ZNF415: variants seen among roughly 807,000 people sequenced by gnomAD.
ZNF415 encodes zinc finger protein 415.
ZNF415 carries 5 observed loss-of-function variants against 7.3 expected under a neutral mutation model. That is an observed-to-expected ratio of 0.69 (90% CI 0.36 to 1.44). ZNF415 has a LOEUF of 1.44. ZNF415 is among the 40% of genes most tolerant of loss of function. ZNF415 has a pLI of 0.04. For missense variants in ZNF415, 628 were observed against 664.8 expected, an observed-to-expected ratio of 0.94 and a Z score of 0.61; for synonymous variants, 207 against 226.3, an observed-to-expected ratio of 0.91 and a Z score of 0.77.
chr19:53,126,523 G>A (rs2089149428), intron 1 of ZNF415, among the ~76,000 whole-genome samples: 1 of 138,520 alleles, frequency 7.2e-6, no homozygotes, highest in African/African-American at 2.5e-5. Flanking sequence ...TGCAGGAAGT[G>A]AGAGTCTGAA....
intron 3 of ZNF415, among the ~76,000 whole-genome samples, chr19:53,110,942 A>G (rs2086138522): frequency 1.3e-5 from 2 of 152,220 alleles, no homozygotes; most frequent in African/African-American, 2.4e-5. Context: ...CAATATACAT[A>G]AGAGTTTGTA....
chr19:53,119,844 A>C (rs2087698938), intron 2 of ZNF415, among the ~76,000 whole-genome samples: 1 of 152,102 alleles, frequency 6.6e-6, no homozygotes, highest in South Asian at 2.1e-4. Flanking sequence ...ACCAAGACTG[A>C]ATCAGGAAGA....
intron 3 of ZNF415, chr19:53,116,008 C>T: frequency 1.6e-6 from 1 of 616,060 alleles, no homozygotes; most frequent in Non-Finnish European, 2.8e-6. Flanking sequence ...TATCTAGCTC[C>T]CTTCCAAGAA....
At position 53,128,846 on chromosome 19, in the gene ZNF415, C is replaced by T. The variant is rs909035547; in HGVS notation, c.-68+4010G>A. 1.8e-5 allele frequency among the ~76,000 whole-genome samples: 2 copies of T among 110,884 alleles called. 1 individual carries two copies. Among genetic ancestry groups the T allele is most frequent in the African/African-American group, 6.3e-5 (2 of 31,870 alleles). 72.7% of individuals were successfully genotyped at this position (110,884 alleles called of 152,430 possible). On this transcript the variant is annotated intron_variant, in intron 1 of 3. Transcript: ENST00000243643. The stretch of plus-strand genomic sequence containing the variant: ...GAGGAGTCTTCAGCCCAACCCCAGC[C>T]CCAGCATCTGAACCACAACCCCGGA...
intron 1 of ZNF415, among the ~76,000 whole-genome samples, chr19:53,124,571 G>A (rs552059518): frequency 4.6e-5 from 7 of 152,118 alleles, no homozygotes; most frequent in Non-Finnish European, 1.0e-4. Context: ...AGAGTTGGTG[G>A]GGCAAAACAA....
rs1306088045 is a variant in ZNF415 at position 53,108,579 on chromosome 19, A to G, written c.1466T>C (p.Ile489Thr). 1.2e-6 allele frequency: 2 copies of G among 1,614,134 alleles called. No homozygotes were observed. Among genetic ancestry groups the G allele is most frequent in the East Asian group, 2.2e-5 (1 of 44,882 alleles). Residue 489 changes from isoleucine to threonine, a missense_variant, in exon 4 of 4, where the codon ATC (isoleucine) becomes ACC (threonine). By Grantham distance (89) the Ile-to-Thr change is moderately conservative. Coordinates refer to ENST00000243643, the MANE Select transcript of ZNF415 (RefSeq NM_018355.4). ...VHSSLTTHQV[I>T]HTGEKPYKCN... The stretch of plus-strand genomic sequence containing the variant: ...TTTGTAAGGTTTTTCTCCAGTATGG[A>G]TGACCTGATGGGTAGTTAGGCTTGA...
chr19:53,128,066 T>C (rs1021760682), intron 1 of ZNF415, among the ~76,000 whole-genome samples: 34 of 151,988 alleles, frequency 2.2e-4, no homozygotes, highest in African/African-American at 6.3e-4. Context: ...TTCACCCGGC[T>C]CATCTAGAGG....
chr19:53,110,880 C>T (rs922785629), intron 3 of ZNF415, among the ~76,000 whole-genome samples: 10 of 152,172 alleles, frequency 6.6e-5, no homozygotes, highest in Middle Eastern at 3.2e-3. Context: ...CAGTCAATAA[C>T]GCAATTCCCT....
intron 1 of ZNF415, among the ~76,000 whole-genome samples, chr19:53,132,433 G>A (rs540674741): frequency 6.6e-6 from 1 of 152,204 alleles, no homozygotes; most frequent in African/African-American, 2.4e-5. Flanking sequence ...GGGAGGTGGG[G>A]CGCGACAGCG....
chr19:53,128,550 C>G (rs1049471315), intron 1 of ZNF415, among the ~76,000 whole-genome samples: 1 of 112,442 alleles, frequency 8.9e-6, no homozygotes, highest in Non-Finnish European at 2.0e-5. Context: ...GAGCGCATCA[C>G]CTGCTGGAAG....
At position 53,108,801 on chromosome 19, in the gene ZNF415, T is replaced by C. The variant is rs1359109271; in HGVS notation, c.1244A>G (p.Asn415Ser). ...IHTGEKPYKC[N>S]ECGKVFSYNS... ...GTAACTGAAAACCTTACCACATTCA[T>C]TGCATTTGTAAGGTTTCTCTCCAGT... is the stretch of plus-strand genomic sequence containing the variant. The change falls in exon 4 of 4, where the codon AAT (asparagine) becomes AGT (serine). Residue 415 changes from asparagine to serine, a missense_variant. Physicochemically the swap from Asn to Ser is conservative, Grantham distance 46. Coordinates refer to ENST00000243643, the MANE Select transcript of ZNF415 (RefSeq NM_018355.4). 2 of 1,613,270 alleles carry C rather than the reference T, an allele frequency of 1.2e-6. No individual in the cohort carries two copies. Among genetic ancestry groups the C allele is most frequent in the Admixed American group, 3.3e-5 (2 of 59,986 alleles).
At chr19:53,114,907 T>G (rs2086769563) in intron 3 of ZNF415, among the ~76,000 whole-genome samples, 1 of 152,128 alleles carries the variant, frequency 6.6e-6, no homozygotes, top group African/African-American at 2.4e-5. Flanking sequence ...GAGCAGCCAG[T>G]GTTTCCCATC....
chr19:53,122,679 C>CGGG lies in ZNF415; in HGVS notation c.-4_-3insCCC. 1 of 1,614,162 alleles carries CGGG rather than the reference C, an allele frequency of 6.2e-7. No individual in the cohort carries two copies. The highest frequency in any genetic ancestry group is 8.5e-7 in the Non-Finnish European group (1 of 1,180,024). On this transcript the variant is annotated 5_prime_UTR_variant, in exon 2 of 4. Transcript: ENST00000243643. The stretch of plus-strand genomic sequence containing the variant: ...TTCTTTACCTGAGTAAAAGCCATTC[C>CGGG]TGACTCCTTTGCTCTCCTCTTCTGG...
chr19:53,112,041 A>C (rs111286238), intron 3 of ZNF415, among the ~76,000 whole-genome samples: 4 of 152,034 alleles, frequency 2.6e-5, no homozygotes, highest in African/African-American at 9.7e-5. Flanking sequence ...TCCCAGGTTC[A>C]AGCAATTCTC....
Position 53,122,333 on chromosome 19 carries a change from G to A in ZNF415, c.15+329C>T, listed in dbSNP as rs940067665. The A allele has an allele frequency of 3.0e-5, 43 of 1,446,632 alleles. No homozygotes were observed. In the East Asian group the frequency reaches 4.7e-4, roughly 16 times the overall value. The allele number at this position is 1,446,632 out of a possible 1,614,324, so 89.6% of individuals were successfully genotyped here. A position where few individuals can be genotyped will look rare whatever the true frequency, so the allele number is the denominator to read the frequency against. On this transcript the variant is annotated intron_variant, in intron 2 of 3. Transcript: ENST00000243643. ...CTCTATTCCTGGGCTACGGAGAGCC[G>A]ACAGTGCATCCAAATGTGGCCCCTG...
rs2085649085 is a variant in ZNF415, at chr19:53,108,040, C to T, written c.*337G>A. 8.0e-6 allele frequency: 2 copies of T among 250,296 alleles called. No homozygotes were observed. The highest frequency in any genetic ancestry group is 4.9e-5 in the Admixed American group (1 of 20,382). 15.5% of individuals were successfully genotyped at this position (250,296 alleles called of 1,614,324 possible). A position where few individuals can be genotyped will look rare whatever the true frequency, so the allele number is the denominator to read the frequency against. On this transcript the variant is annotated 3_prime_UTR_variant, in exon 4 of 4. Coordinates refer to ENST00000243643, the MANE Select transcript of ZNF415 (RefSeq NM_018355.4). ...TCCTTGGATGTGTTACAGTTTTGAT[C>T]CTTGGTTAATAGCTTCAACATGCAC...
intron 2 of ZNF415, among the ~76,000 whole-genome samples, chr19:53,117,542 T>C (rs1165858001): frequency 7.3e-5 from 11 of 151,042 alleles, no homozygotes; most frequent in East Asian, 1.9e-4. Flanking sequence ...AATTTCTCAA[T>C]AGAAACCTTA....
chr19:53,113,290 C>T (rs2086517107), intron 3 of ZNF415, among the ~76,000 whole-genome samples: 1 of 28,740 alleles, frequency 3.5e-5, no homozygotes, highest in Non-Finnish European at 7.0e-5. Context: ...GGGCGGATCA[C>T]GAGGTCAGGA....
At chr19:53,131,460 AT>A (rs1022347334) in intron 1 of ZNF415, among the ~76,000 whole-genome samples, 7 of 152,204 alleles carry the variant, frequency 4.6e-5, no homozygotes, top group African/African-American at 1.7e-4. Flanking sequence ...AAAGACAGAA[AT>A]CAACAGGTCA....
Sources: gnomAD v4.1 joint callset for allele counts (sites outside exome capture counted in the v4.1 genomes callset) on GRCh38, gnomAD v4.1.1 for gene constraint, MANE v1.5 for transcripts, NCBI Gene and HGNC (gene_info 2026-07-23, HGNC 2026-07-21) for gene names.